OXSR1: variants seen among roughly 807,000 people sequenced by gnomAD.
The protein encoded by OXSR1 is serine/threonine-protein kinase OSR1.
In OXSR1, 24 loss-of-function variants were observed where a neutral mutation model predicts 79.8. The observed-to-expected ratio is 0.30, with a 90% confidence interval of 0.22 to 0.42. The LOEUF (loss-of-function observed/expected upper bound fraction) is 0.42, where lower values mean the gene tolerates loss of function less well. OXSR1 is among the 10% of genes least tolerant of loss of function. The pLI, the probability that OXSR1 is intolerant of heterozygous loss-of-function variation, is 1.00. For synonymous variants in OXSR1, 226 were observed against 209.2 expected, an observed-to-expected ratio of 1.08 and a Z score of -0.69; for missense variants, 430 against 618.4, an observed-to-expected ratio of 0.70 and a Z score of 3.23.
chr3:38,178,577 T>G (rs1251514493), intron 1 of OXSR1, among the ~76,000 whole-genome samples: 1 of 147,740 alleles, frequency 6.8e-6, no homozygotes, highest in Non-Finnish European at 1.5e-5. Flanking sequence ...TAGCTGGGAC[T>G]GCAGGCCTGC....
At chr3:38,180,237 C>T (rs939509029) in intron 1 of OXSR1, among the ~76,000 whole-genome samples, 2 of 152,146 alleles carry the variant, frequency 1.3e-5, no homozygotes, top group African/African-American at 4.8e-5. Flanking sequence ...AACACTGTTC[C>T]TGGCGGAAAA....
chr3:38,247,365 C>T (rs575850210), intron 13 of OXSR1, among the ~76,000 whole-genome samples: 44 of 152,094 alleles, frequency 2.9e-4, no homozygotes, highest in Non-Finnish European at 5.0e-4. Context: ...TTGTGTTTTT[C>T]AGTCTTGTAG....
intron 1 of OXSR1, among the ~76,000 whole-genome samples, 197 bp downstream of exon 1, chr3:38,166,143 G>GGA: frequency 5.3e-5 from 8 of 151,914 alleles, no homozygotes; most frequent in African/African-American, 1.9e-4. Flanking sequence ...GCGCGCCTGT[G>GGA]AGGTGGCGTG....
Position 38,212,718 on chromosome 3 carries a change from T to C in OXSR1, c.435-3378T>C, listed in dbSNP as rs34430187. Reference sequence around the variant, plus strand: ...GTGTAACTTTGGGGCAACAGTGACATGTGAGAAATGACATTAAGCAGTAAA... The same window carrying C: ...GTGTAACTTTGGGGCAACAGTGACACGTGAGAAATGACATTAAGCAGTAAA... On this transcript the variant is annotated intron_variant, in intron 4 of 17. Transcript: ENST00000311806. Among the ~76,000 whole-genome samples the C allele has an allele frequency of 2.0e-5, 3 of 152,324 alleles. No individual in the cohort carries two copies. In the East Asian group the frequency reaches 5.8e-4, roughly 29 times the overall value.
rs560420813 is a variant in OXSR1 at position 38,214,281 on chromosome 3, C to A, written c.435-1815C>A. 5.3e-5 allele frequency among the ~76,000 whole-genome samples: 8 copies of A among 150,830 alleles called. No individual in the cohort carries two copies. The South Asian group carries it at 1.5e-3, about 28-fold the overall frequency. ...TTATTTAAATCTATTTGAAGAATAT[C>A]TCTTCCTATTTGCAGAATGCTTCCT... is the stretch of plus-strand genomic sequence containing the variant. On this transcript the variant is annotated intron_variant, in intron 4 of 17. Coordinates refer to ENST00000311806, the MANE Select transcript of OXSR1 (RefSeq NM_005109.3).
intron 10 of OXSR1, among the ~76,000 whole-genome samples, chr3:38,234,496 CT>C: frequency 6.6e-6 from 1 of 152,140 alleles, no homozygotes. Context: ...TGAAAAGATA[CT>C]CAGTATTATT....
chr3:38,194,415 G>A (rs1702037119), intron 3 of OXSR1, among the ~76,000 whole-genome samples: 1 of 152,110 alleles, frequency 6.6e-6, no homozygotes, highest in African/African-American at 2.4e-5. Flanking sequence ...AGCTAAGCTC[G>A]TACATGTAGC....
intron 12 of OXSR1, among the ~76,000 whole-genome samples, chr3:38,244,666 T>TGTGTGTGTGTGTGCGC (rs748851263): frequency 0.011 from 1,638 of 144,034 alleles, 12 homozygotes; most frequent in South Asian, 0.017. Context: ...TGTGTGTGTG[T>TGTGTGTGTGTGTGCGC]GCGTGCGCAT....
At chr3:38,174,338 T>C (rs1701639223) in intron 1 of OXSR1, among the ~76,000 whole-genome samples, 1 of 151,988 alleles carries the variant, frequency 6.6e-6, no homozygotes, top group South Asian at 2.1e-4. Context: ...TCCCAGCACT[T>C]TGGGAGGCGG....
intron 4 of OXSR1, among the ~76,000 whole-genome samples, chr3:38,209,559 C>T (rs1001811968): frequency 1.8e-4 from 28 of 151,952 alleles, no homozygotes; most frequent in Admixed American, 1.3e-3. Flanking sequence ...CTGCCACGTC[C>T]GGCCTCTTCT....
chr3:38,245,714 G>T (rs1703125803), intron 12 of OXSR1, among the ~76,000 whole-genome samples: 1 of 152,154 alleles, frequency 6.6e-6, no homozygotes, highest in Non-Finnish European at 1.5e-5. Flanking sequence ...CTATGGCTGG[G>T]TGTGGAAGCA....
At chr3:38,165,474 C>G (rs551197986), upstream of OXSR1, 48 of 198,622 alleles carry the variant, frequency 2.4e-4, no homozygotes, top group East Asian at 6.4e-3. Flanking sequence ...CGAGGTGGGG[C>G]GTGACCAGCG....
chr3:38,218,837 A>G (rs1199757901), intron 5 of OXSR1, among the ~76,000 whole-genome samples: 3 of 152,106 alleles, frequency 2.0e-5, no homozygotes, highest in African/African-American at 7.2e-5. Context: ...AACACTTATT[A>G]TAATGTATTA....
At chr3:38,201,133 T>C (rs1702155777) in intron 4 of OXSR1, among the ~76,000 whole-genome samples, 1 of 151,720 alleles carries the variant, frequency 6.6e-6, no homozygotes, top group Admixed American at 6.6e-5. Flanking sequence ...CTTGAGCTCC[T>C]GGGCTCAAGC....
intron 1 of OXSR1, 80 bp downstream of exon 1, chr3:38,166,026 C>G: frequency 4.6e-6 from 6 of 1,301,956 alleles, no homozygotes; most frequent in Non-Finnish European, 5.5e-6. Context: ...CGCGGGAGCT[C>G]GGGGAGCGCA....
intron 5 of OXSR1, among the ~76,000 whole-genome samples, chr3:38,217,576 G>A (rs1208718618): frequency 1.3e-5 from 2 of 152,062 alleles, no homozygotes; most frequent in Admixed American, 1.3e-4. Context: ...TGCCCAGGCT[G>A]GAGTGCAGTG....
intron 1 of OXSR1, among the ~76,000 whole-genome samples, chr3:38,181,450 G>C (rs1165659864): frequency 6.6e-6 from 1 of 150,552 alleles, no homozygotes; most frequent in Non-Finnish European, 1.5e-5. Flanking sequence ...CCGCCTCCCA[G>C]GTTCAAGTCA....
chr3:38,182,282 G>A (rs765122255), intron 1 of OXSR1, among the ~76,000 whole-genome samples: 2 of 152,172 alleles, frequency 1.3e-5, no homozygotes, highest in South Asian at 2.1e-4. Flanking sequence ...TGACATTGCC[G>A]CACGTGTGGG....
At position 38,188,237 on chromosome 3, in the gene OXSR1, T is replaced by C. The variant is rs1357129375; in HGVS notation, c.184-2494T>C. 2.0e-5 allele frequency among the ~76,000 whole-genome samples: 3 copies of C among 152,184 alleles called. No homozygotes were observed. In the South Asian group the frequency reaches 6.2e-4, roughly 32 times the overall value. ...TGACCCTAACTCTTTACATTGTCAC[T>C]CTCTCATGTGATTTTTCTTTCCTTC... On this transcript the variant is annotated intron_variant, in intron 2 of 17. Coordinates refer to ENST00000311806, the MANE Select transcript of OXSR1 (RefSeq NM_005109.3).
Sources: allele counts gnomAD v4.1 joint callset (sites outside exome capture counted in the v4.1 genomes callset), GRCh38; gene constraint gnomAD v4.1.1; transcripts MANE v1.5; gene names NCBI Gene and HGNC (gene_info 2026-07-23, HGNC 2026-07-21).